The following CTNNA3 variants were observed in gnomAD, a reference collection of about 807,000 sequenced individuals.
CTNNA3 encodes catenin alpha 3.
In CTNNA3, 76 loss-of-function variants were observed where a neutral mutation model predicts 95.7. The ratio of observed to expected loss-of-function variants is 0.79; its 90% confidence interval spans 0.66 to 0.96. CTNNA3 has a LOEUF of 0.96. Ranked by LOEUF, CTNNA3 falls within the 40% of genes least tolerant of loss-of-function variation. The pLI is 0.00. For synonymous variants in CTNNA3, 431 were observed against 374.4 expected (o/e 1.15, Z -1.74); for missense variants, 1,191 against 1,089.8 (o/e 1.09, Z -1.31).
chr10:66,704,886 A>T (rs1848067846), intron 9 of CTNNA3, among the ~76,000 whole-genome samples: 1 of 152,082 alleles, frequency 6.6e-6, no homozygotes, highest in South Asian at 2.1e-4. Context: ...TTGTTCATTC[A>T]TTCATTCATT....
At chr10:67,191,113 A>G (rs1447351787) in intron 6 of CTNNA3, among the ~76,000 whole-genome samples, 1 of 152,070 alleles carries the variant, frequency 6.6e-6, no homozygotes, top group African/African-American at 2.4e-5. Context: ...GTGGAGTAAT[A>G]AAAACTCTAA....
At chr10:67,114,709 GGT>G (rs56772381) in intron 7 of CTNNA3, among the ~76,000 whole-genome samples, 4,187 of 144,752 alleles carry the variant, frequency 0.029, 67 homozygotes, top group Middle Eastern at 0.045. Flanking sequence ...GGTTCTTAAA[GGT>G]GTGTGTGTGT....
At chr10:67,408,514 G>A (rs1845234857) in intron 5 of CTNNA3, among the ~76,000 whole-genome samples, 1 of 152,070 alleles carries the variant, frequency 6.6e-6, no homozygotes, top group Non-Finnish European at 1.5e-5. Flanking sequence ...AAATGGTTCT[G>A]GGAGAACTGG....
intron 5 of CTNNA3, among the ~76,000 whole-genome samples, chr10:67,328,537 C>A (rs1336874234): frequency 6.6e-6 from 1 of 152,236 alleles, no homozygotes; most frequent in Admixed American, 6.5e-5. Context: ...CCATAGTGGT[C>A]AAGGGGTCTC....
At chr10:66,155,105 T>C (rs1266157149) in intron 13 of CTNNA3, among the ~76,000 whole-genome samples, 2 of 151,622 alleles carry the variant, frequency 1.3e-5, no homozygotes, top group South Asian at 2.1e-4. Flanking sequence ...TGCTCAAGAG[T>C]ATAGTGTGAA....
chr10:66,412,605 G>A lies in CTNNA3; in HGVS notation c.1532-33253C>T, dbSNP rs576679850. ...CTCCCAAGTAGCTGGGACTACAGGC[G>A]TCCACCACCATGCCCAGCTAATTTT... On this transcript the variant is annotated intron_variant, in intron 11 of 17. Coordinates refer to ENST00000433211, the MANE Select transcript of CTNNA3 (RefSeq NM_013266.4). 8.6e-5 allele frequency among the ~76,000 whole-genome samples: 13 copies of A among 151,724 alleles called. No individual in the cohort carries two copies. The South Asian group carries it at 1.0e-3, about 12-fold the overall frequency.
chr10:67,451,779 C>T (rs562754460), intron 5 of CTNNA3, among the ~76,000 whole-genome samples: 2 of 152,132 alleles, frequency 1.3e-5, no homozygotes, highest in South Asian at 4.1e-4. Flanking sequence ...CTATGCCCTG[C>T]CTTATGGAAG....
At chr10:67,657,588 G>A (rs972420901) in intron 1 of CTNNA3, among the ~76,000 whole-genome samples, 5 of 152,116 alleles carry the variant, frequency 3.3e-5, no homozygotes, top group African/African-American at 9.7e-5. Flanking sequence ...GCTCACACCT[G>A]TAATTCCAGC....
At chr10:66,768,060 C>A (rs949243689) in intron 8 of CTNNA3, among the ~76,000 whole-genome samples, 13 of 152,114 alleles carry the variant, frequency 8.5e-5, no homozygotes, top group Non-Finnish European at 5.9e-5. Flanking sequence ...CCAGGGAAGT[C>A]AGGCGTAAGG....
At chr10:67,266,415 C>T (rs1008149000) in intron 5 of CTNNA3, among the ~76,000 whole-genome samples, 5 of 151,914 alleles carry the variant, frequency 3.3e-5, no homozygotes, top group African/African-American at 7.3e-5. Context: ...GATGTTTCAC[C>T]GAAACCTTAG....
At chr10:65,923,276 T>A (rs544581903) in intron 17 of CTNNA3, among the ~76,000 whole-genome samples, 5 of 152,388 alleles carry the variant, frequency 3.3e-5, no homozygotes, top group Admixed American at 2.0e-4. Context: ...GTAGTCTTTT[T>A]AACTTATAGG....
intron 6 of CTNNA3, among the ~76,000 whole-genome samples, chr10:67,206,486 G>T (rs1026459366): frequency 5.9e-5 from 9 of 151,870 alleles, no homozygotes; most frequent in African/African-American, 9.7e-5. Context: ...ATGTGCAAAT[G>T]TTTTAACTTC....
chr10:67,330,470 T>G (rs1841733791), intron 5 of CTNNA3, among the ~76,000 whole-genome samples: 1 of 152,196 alleles, frequency 6.6e-6, no homozygotes, highest in Non-Finnish European at 1.5e-5. Context: ...ATTGGCACAG[T>G]GACTGACACA....
At chr10:66,143,263 T>G (rs1369403218) in intron 13 of CTNNA3, among the ~76,000 whole-genome samples, 2 of 152,142 alleles carry the variant, frequency 1.3e-5, no homozygotes, top group Non-Finnish European at 2.9e-5. Context: ...TAAAGCTTGA[T>G]ATTATGATAC....
chr10:65,993,825 T>C (rs1203943121), intron 15 of CTNNA3, among the ~76,000 whole-genome samples: 1 of 152,148 alleles, frequency 6.6e-6, no homozygotes, highest in Non-Finnish European at 1.5e-5. Context: ...AACCTCCACC[T>C]CCTGGGTTCA....
chr10:66,043,956 CTGTGTGTGTG>C (rs59559225), intron 15 of CTNNA3, among the ~76,000 whole-genome samples: 1,941 of 144,474 alleles, frequency 0.013, 37 homozygotes, highest in African/African-American at 0.043. Context: ...TAGGACTATG[CTGTGTGTGTG>C]TGTGTGTGTG....
chr10:67,151,075 TTC>T (rs1861068196), intron 7 of CTNNA3, among the ~76,000 whole-genome samples: 1 of 152,204 alleles, frequency 6.6e-6, no homozygotes, highest in South Asian at 2.1e-4. Flanking sequence ...CAGATACTTT[TTC>T]TTCATTTCCT....
intron 7 of CTNNA3, among the ~76,000 whole-genome samples, chr10:66,913,715 A>G (rs1846340606): frequency 6.6e-6 from 1 of 152,194 alleles, no homozygotes; most frequent in Admixed American, 6.5e-5. Flanking sequence ...TAGGGGTCAC[A>G]AAAAAGATGG....
intron 13 of CTNNA3, among the ~76,000 whole-genome samples, chr10:66,140,762 C>T (rs961957678): frequency 2.0e-5 from 3 of 152,186 alleles, no homozygotes. Context: ...TATTTTTAAA[C>T]AATTTGTTAT....
Sources: gnomAD v4.1 joint callset for allele counts (sites outside exome capture counted in the v4.1 genomes callset) on GRCh38, gnomAD v4.1.1 for gene constraint, MANE v1.5 for transcripts, NCBI Gene and HGNC (gene_info 2026-07-23, HGNC 2026-07-21) for gene names.